Variants in RP1L1 observed in about 807,000 individuals in gnomAD.
RP1L1 encodes the protein retinitis pigmentosa 1-like 1 protein.
A neutral mutation model predicts 15.7 loss-of-function variants in RP1L1; 27 were observed. That is an observed-to-expected ratio of 1.72 (90% confidence interval 1.27 to 2.38). RP1L1 has a LOEUF of 2.38. Among genes scored for constraint, RP1L1 ranks in the 30% most tolerant of loss-of-function variants. RP1L1 has a pLI of 0.00. For synonymous variants in RP1L1, 1,813 were observed against 1,276.7 expected, an observed-to-expected ratio of 1.42 and a Z score of -8.96; for missense variants, 4,798 against 3,075.9, an observed-to-expected ratio of 1.56 and a Z score of -13.24.
intron 1 of RP1L1, among the ~76,000 whole-genome samples, chr8:10,650,545 C>G (rs561604601): frequency 5.4e-4 from 81 of 151,220 alleles, no homozygotes; most frequent in Admixed American, 1.5e-3. Context: ...GAGCAAGACT[C>G]CGTAGTTCTT....
rs1291486308 is a variant in RP1L1 at position 10,609,852 on chromosome 8, G to A, written c.4246C>T (p.Pro1416Ser). The A allele has an allele frequency of 6.2e-7, 1 of 1,614,032 alleles. No homozygotes were observed. Among genetic ancestry groups the A allele is most frequent in the African/African-American group, 1.3e-5 (1 of 74,936 alleles). ...TCTTCCTGGGAGCCTTTCCCATCCG[G>A]AGAGCTGGCCTCTGACAATTCCTGC... is the stretch of plus-strand genomic sequence containing the variant. Reference protein sequence around the residue: ...HGQELSEASSPDGKGSQEDDP... With the variant: ...HGQELSEASSSDGKGSQEDDP... Residue 1416 changes from proline to serine, a missense_variant, in exon 4 of 4, where the codon CCG (proline) becomes TCG (serine). By Grantham distance (74) the Pro-to-Ser change is moderately conservative. Coordinates refer to ENST00000382483, the MANE Select transcript of RP1L1 (RefSeq NM_178857.6).
chr8:10,631,936 C>A (rs1192201898), intron 1 of RP1L1, among the ~76,000 whole-genome samples: 1 of 152,348 alleles, frequency 6.6e-6, no homozygotes, highest in Admixed American at 6.5e-5. Context: ...CACTCCCAGA[C>A]CTGCTTTCTC....
Position 10,609,413 on chromosome 8 carries a change from T to G in RP1L1, c.4685A>C (p.Gln1562Pro), listed in dbSNP as rs754206639. The G allele has an allele frequency of 6.2e-7, 1 of 1,612,394 alleles. No individual in the cohort carries two copies. Among genetic ancestry groups the G allele is most frequent in the East Asian group, 2.2e-5 (1 of 44,874 alleles). The change falls in exon 4 of 4, where the codon CAG becomes CCG. Residue 1562 changes from glutamine (Q) to proline (P), a missense_variant. Transcript: ENST00000382483. ...LLDQMAAELQQDVAQRLQDST... is the reference protein window; with the variant it reads ...LLDQMAAELQPDVAQRLQDST... ...GTCCTGGAGGCGTTGGGCCACGTCC[T>G]GCTGCAGCTCGGCCGCCATCTGGTC...
intron 1 of RP1L1, among the ~76,000 whole-genome samples, chr8:10,627,689 G>T (rs533746009): frequency 6.6e-6 from 1 of 151,978 alleles, no homozygotes; most frequent in South Asian, 2.1e-4. Flanking sequence ...GGGGTGGGAT[G>T]AATTACCCTT....
At chr8:10,638,214 C>T (rs1798357784) in intron 1 of RP1L1, among the ~76,000 whole-genome samples, 1 of 152,208 alleles carries the variant, frequency 6.6e-6, no homozygotes, top group South Asian at 2.1e-4. Flanking sequence ...CTTGCCCATG[C>T]AAATGAAACA....
chr8:10,613,382 A>G, intron 3 of RP1L1, 36 bp from the exon 4 acceptor site: 1 of 1,598,706 alleles, frequency 6.3e-7, no homozygotes, highest in Non-Finnish European at 8.5e-7. Flanking sequence ...AAAGAAGAAA[A>G]GACTGTGAGC....
rs201524117 is a variant in RP1L1, at chr8:10,609,303, G to C, written c.4795C>G (p.Leu1599Val). The C allele has an allele frequency of 1.2e-5, 19 of 1,611,054 alleles. No individual in the cohort carries two copies. ...EPPREALTGE[L>V]LLQTQQRRHR... ...CTGCGCTGCTGGGTCTGCAGGAGCA[G>C]CTCCCCGGTGAGGGCCTCCCTTGGA... The change falls in exon 4 of 4, where the codon CTG (leucine) becomes GTG (valine). Residue 1599 changes from leucine to valine, a missense_variant. Physicochemically the swap from Leu to Val is conservative, Grantham distance 32 (BLOSUM62 1). Transcript: ENST00000382483.
At chr8:10,648,342 G>T (rs942836450) in intron 1 of RP1L1, among the ~76,000 whole-genome samples, 2 of 151,926 alleles carry the variant, frequency 1.3e-5, no homozygotes, top group African/African-American at 2.4e-5. Flanking sequence ...AATTTTCTGG[G>T]TTTTTTTGTT....
rs753181063 is a variant in RP1L1 at position 10,608,336 on chromosome 8, C to G, written c.5762G>C (p.Ser1921Thr). ...AEKEAQPETE[S>T]VEALETEGED... ...CCCTTCAGTCTCCAGGGCCTCTACACTTTCTGTCTCTGGCTGGGCCTCCTT... is the reference window on the plus strand; with the variant it reads ...CCCTTCAGTCTCCAGGGCCTCTACAGTTTCTGTCTCTGGCTGGGCCTCCTT... Residue 1921 changes from serine (S) to threonine (T), a missense_variant, in exon 4 of 4, where the codon AGT becomes ACT. By Grantham distance (58) the Ser-to-Thr change is moderately conservative (BLOSUM62 1). Coordinates refer to ENST00000382483, the MANE Select transcript of RP1L1 (RefSeq NM_178857.6). 2 of 1,610,664 alleles carry G rather than the reference C, an allele frequency of 1.2e-6. No individual in the cohort carries two copies. The highest frequency in any genetic ancestry group is 2.2e-5 in the South Asian group (2 of 90,896).
In RP1L1 at chr8:10,608,442, C is replaced by G. The variant is rs1192535363; in HGVS notation, c.5656G>C (p.Glu1886Gln). 2.5e-6 allele frequency: 4 copies of G among 1,607,154 alleles called. No homozygotes were observed. The Admixed American group carries it at 5.1e-5, about 20-fold the overall frequency. ...APEAEGEAQP[E>Q]SEDVETPEAE... is the part of the protein sequence containing the mutation. ...TCTGGGGTCTCTACATCTTCTGACT[C>G]TGGCTGGGCCTCTCCTTCTGCCTCT... The change falls in exon 4 of 4, where the codon GAG (glutamate) becomes CAG (glutamine). Residue 1886 changes from glutamate to glutamine, a missense_variant. Coordinates refer to ENST00000382483, the MANE Select transcript of RP1L1 (RefSeq NM_178857.6).
At chr8:10,635,053 T>C (rs1798308313) in intron 1 of RP1L1, among the ~76,000 whole-genome samples, 1 of 152,212 alleles carries the variant, frequency 6.6e-6, no homozygotes, top group South Asian at 2.1e-4. Context: ...TTTGCCGCAT[T>C]AACATGGGCT....
intron 1 of RP1L1, among the ~76,000 whole-genome samples, chr8:10,631,716 C>T (rs1164690754): frequency 6.6e-6 from 1 of 152,208 alleles, no homozygotes; most frequent in African/African-American, 2.4e-5. Context: ...TGGGTTCTCT[C>T]TGCCAGTGCC....
At chr8:10,613,709 C>T (rs1797920305) in intron 3 of RP1L1, among the ~76,000 whole-genome samples, 1 of 151,860 alleles carries the variant, frequency 6.6e-6, no homozygotes, top group Admixed American at 6.6e-5. Flanking sequence ...CAGGAGAATC[C>T]CCTGAGTCCC....
rs754787851 is a variant in RP1L1, at chr8:10,608,108, G to T, written c.5990C>A (p.Ser1997Ter). The part of the protein sequence containing the change: ...QEAEGEAQPE[S>*]EDVEAPEAEG... ...AGCCTCTGGGGCCTCTACATCTTCT[G>T]ACTCTGGCTGGGCCTCCCCTTCTGC... is the stretch of plus-strand genomic sequence containing the variant. The change falls in exon 4 of 4, where the codon TCA (serine) becomes TAA (stop). Residue 1997 changes from serine (S) to a stop codon, truncating the protein, a stop_gained. Coordinates refer to ENST00000382483, the MANE Select transcript of RP1L1 (RefSeq NM_178857.6). LOFTEE classifies it low-confidence loss of function (END_TRUNC). 1.2e-6 allele frequency: 2 copies of T among 1,610,610 alleles called. No individual in the cohort carries two copies. Among genetic ancestry groups the T allele is most frequent in the South Asian group, 2.2e-5 (2 of 90,894 alleles).
intron 1 of RP1L1, among the ~76,000 whole-genome samples, chr8:10,642,291 CT>C (rs1563139696): frequency 6.6e-6 from 1 of 152,112 alleles, no homozygotes; most frequent in Non-Finnish European, 1.5e-5. Context: ...TTTTGGGGGA[CT>C]GCAATAGATG....
At position 10,609,428 on chromosome 8, in the gene RP1L1, G is replaced by A. The variant is rs745791302; in HGVS notation, c.4670C>T (p.Ala1557Val). ...GGCCACGTCCTGCTGCAGCTCGGCC[G>A]CCATCTGGTCCAGCAGATCATTGTC... ...LQDNDLLDQMAAELQQDVAQR... is the reference protein window; with the variant it reads ...LQDNDLLDQMVAELQQDVAQR... The change falls in exon 4 of 4, where the codon GCG becomes GTG. Residue 1557 changes from alanine to valine, a missense_variant. Transcript: ENST00000382483. The A allele has an allele frequency of 7.6e-5, 123 of 1,612,138 alleles. No individual in the cohort carries two copies. Among genetic ancestry groups the A allele is most frequent in the Admixed American group, 3.2e-4 (19 of 59,992 alleles).
At chr8:10,639,745 G>C (rs960987624) in intron 1 of RP1L1, among the ~76,000 whole-genome samples, 1 of 151,758 alleles carries the variant, frequency 6.6e-6, no homozygotes, top group East Asian at 1.9e-4. Flanking sequence ...ATGACCTCCG[G>C]GAAAGTTTGA....
At chr8:10,654,172 A>G (rs1586009590) in intron 1 of RP1L1, among the ~76,000 whole-genome samples, 1 of 152,048 alleles carries the variant, frequency 6.6e-6, no homozygotes, top group African/African-American at 2.4e-5. Flanking sequence ...CCACCAGAAA[A>G]CTGGGACGGG....
Position 10,612,700 on chromosome 8 carries a change from C to T in RP1L1, c.1398G>A (p.Glu466=), listed in dbSNP as rs1797888653. The T allele has an allele frequency of 1.2e-6, 2 of 1,603,764 alleles. No homozygotes were observed. Among genetic ancestry groups the T allele is most frequent in the Admixed American group, 1.7e-5 (1 of 59,936 alleles). ...ASSTGLPEGS[E]PESSCCPRTP... ...TCCTGGGGCAGCAGGAGGACTCTGG[C>T]TCCGAGCCCTCGGGGAGGCCGGTGC... The change falls in exon 4 of 4, where the codon GAG becomes GAA. Residue 466 remains glutamate (E), a synonymous_variant. Coordinates refer to ENST00000382483, the MANE Select transcript of RP1L1 (RefSeq NM_178857.6).
Sources: gnomAD v4.1 joint callset for allele counts (sites outside exome capture counted in the v4.1 genomes callset) on GRCh38, gnomAD v4.1.1 for gene constraint, MANE v1.5 for transcripts, NCBI Gene and HGNC (gene_info 2026-07-23, HGNC 2026-07-21) for gene names.